The following LIN9 variants were observed in gnomAD, a reference collection of about 807,000 sequenced individuals.
The protein encoded by LIN9 is lin-9 DREAM MuvB core complex component, also known as protein lin-9 homolog.
A neutral mutation model predicts 78.0 loss-of-function variants in LIN9; 18 were observed. The ratio of observed to expected loss-of-function variants is 0.23; its 90% CI spans 0.16 to 0.34. The LOEUF (loss-of-function observed/expected upper bound fraction) is 0.34, where lower values mean the gene tolerates loss of function less well. Among genes scored for constraint, LIN9 ranks in the 10% least tolerant of loss-of-function variants. The pLI, the probability that LIN9 is intolerant of heterozygous loss-of-function variation, is 1.00. For missense variants in LIN9, 451 were observed against 644.1 expected, an observed-to-expected ratio of 0.70 and a Z score of 3.25; for synonymous variants, 192 against 215.2, an observed-to-expected ratio of 0.89 and a Z score of 0.94.
chr1:226,273,629 A>T (rs996723501), intron 7 of LIN9, among the ~76,000 whole-genome samples: 3 of 151,950 alleles, frequency 2.0e-5, no homozygotes, highest in African/African-American at 7.2e-5. Flanking sequence ...TCTTTTTTTT[A>T]AAAAGGCAGT....
At chr1:226,260,708 G>A (rs900162631) in intron 10 of LIN9, among the ~76,000 whole-genome samples, 9 of 129,258 alleles carry the variant, frequency 7.0e-5, no homozygotes, top group African/African-American at 1.8e-4. Flanking sequence ...GCAGTGGCAC[G>A]AACTCGGCTC....
chr1:226,297,134 C>A (rs1213051967), intron 3 of LIN9, among the ~76,000 whole-genome samples: 2 of 152,176 alleles, frequency 1.3e-5, no homozygotes, highest in African/African-American at 4.8e-5. Context: ...GGAATTGACA[C>A]AGTGAGGAAA....
At chr1:226,261,935 T>A (rs949281573) in intron 10 of LIN9, among the ~76,000 whole-genome samples, 1 of 152,148 alleles carries the variant, frequency 6.6e-6, no homozygotes, top group African/African-American at 2.4e-5. Context: ...AATAGATCAA[T>A]GGAACAGAAT....
chr1:226,262,871 T>C (rs1027997072), intron 10 of LIN9, among the ~76,000 whole-genome samples: 4 of 152,186 alleles, frequency 2.6e-5, no homozygotes, highest in Admixed American at 2.0e-4. Flanking sequence ...ATTGCCAAAA[T>C]TTGAAAGCAA....
chr1:226,285,314 T>C (rs921965592), intron 6 of LIN9, among the ~76,000 whole-genome samples: 1 of 152,176 alleles, frequency 6.6e-6, no homozygotes, highest in Non-Finnish European at 1.5e-5. Flanking sequence ...TGAAACACAC[T>C]AAATAACATA....
intron 11 of LIN9, among the ~76,000 whole-genome samples, chr1:226,250,526 T>C (rs1658765842): frequency 6.6e-6 from 1 of 152,210 alleles, no homozygotes; most frequent in East Asian, 1.9e-4. Context: ...GCAATGAAGA[T>C]TTACTGTTGT....
chr1:226,302,130 G>A (rs1662577372), intron 1 of LIN9, among the ~76,000 whole-genome samples: 3 of 152,152 alleles, frequency 2.0e-5, no homozygotes, highest in Non-Finnish European at 4.4e-5. Context: ...AATCTAGACT[G>A]AATCTATATT....
At chr1:226,263,524 G>A (rs192948778) in intron 10 of LIN9, among the ~76,000 whole-genome samples, 1 of 152,220 alleles carries the variant, frequency 6.6e-6, no homozygotes, top group Non-Finnish European at 1.5e-5. Flanking sequence ...ACATAGTGTA[G>A]TAGTACTTAG....
chr1:226,257,763 A>C (rs1354266699), intron 10 of LIN9, among the ~76,000 whole-genome samples: 1 of 152,236 alleles, frequency 6.6e-6, no homozygotes. Flanking sequence ...ATAGAAATAA[A>C]GAATATGAGC....
At chr1:226,259,886 A>T (rs1031330912) in intron 10 of LIN9, among the ~76,000 whole-genome samples, 1 of 151,990 alleles carries the variant, frequency 6.6e-6, no homozygotes, top group African/African-American at 2.4e-5. Flanking sequence ...TAGGAAATTA[A>T]ATACAAAGTA....
chr1:226,286,528 A>G (rs1302082256), intron 5 of LIN9, 70 bp from the exon 6 acceptor site: 18 of 1,212,476 alleles, frequency 1.5e-5, no homozygotes, highest in Non-Finnish European at 1.9e-5. Context: ...ATAAAATCAC[A>G]AAATGCTAAA....
At chr1:226,275,029 G>A (rs1660549654) in intron 7 of LIN9, among the ~76,000 whole-genome samples, 1 of 151,820 alleles carries the variant, frequency 6.6e-6, no homozygotes, top group South Asian at 2.1e-4. Context: ...TTCCCCACAA[G>A]TACAGCAATT....
chr1:226,266,455 T>A, intron 8 of LIN9, 123 bp from the exon 9 acceptor site: 2 of 621,466 alleles, frequency 3.2e-6, no homozygotes, highest in Non-Finnish European at 4.8e-6. Flanking sequence ...TAGAATTTAT[T>A]ACTTATATAT....
chr1:226,301,349 T>C (rs902312712), intron 1 of LIN9, 144 bp from the exon 2 acceptor site: 20 of 587,444 alleles, frequency 3.4e-5, no homozygotes, highest in Non-Finnish European at 5.1e-5. Flanking sequence ...TCGAAATATC[T>C]GGCAGACAAT....
At chr1:226,273,288 T>A (rs1396355899) in intron 7 of LIN9, among the ~76,000 whole-genome samples, 1 of 131,074 alleles carries the variant, frequency 7.6e-6, no homozygotes, top group Non-Finnish European at 1.6e-5. Context: ...TGAGACAAGG[T>A]CTCACTCTGT....
intron 3 of LIN9, 40 bp downstream of exon 3, chr1:226,297,679 C>G: frequency 2.2e-6 from 3 of 1,351,878 alleles, no homozygotes; most frequent in Non-Finnish European, 3.0e-6. Flanking sequence ...GACAACTTAG[C>G]TAGAATTATT....
At chr1:226,271,385 G>A (rs759397685) in intron 7 of LIN9, among the ~76,000 whole-genome samples, 11 of 152,098 alleles carry the variant, frequency 7.2e-5, no homozygotes, top group Non-Finnish European at 1.6e-4. Flanking sequence ...ACTACTCTTT[G>A]TTTACTAAAA....
intron 1 of LIN9, among the ~76,000 whole-genome samples, chr1:226,303,352 G>A (rs1056937789): frequency 1.3e-5 from 2 of 152,186 alleles, no homozygotes; most frequent in South Asian, 2.1e-4. Flanking sequence ...AACAGCTATC[G>A]AGTAATGATA....
At position 226,237,952 on chromosome 1, in the gene LIN9, C is replaced by CA. The variant is rs33927134; in HGVS notation, c.1245+1018dup. ...TGGGCAACAGAGTAAGACTCTGTCT[C>CA]AAAAAAAAAAAAAAAAGAATCTGAT... On this transcript the variant is annotated intron_variant, in intron 12 of 14. Transcript: ENST00000681046. Among the ~76,000 whole-genome samples the CA allele has an allele frequency of 1.8e-3, 237 of 133,556 alleles. 1 individual carries two copies. The highest frequency in any genetic ancestry group is 3.8e-3 in the Middle Eastern group (1 of 264). The allele number at this position is 133,556 out of a possible 152,430, so 87.6% of individuals were successfully genotyped here. A position where few individuals can be genotyped will look rare whatever the true frequency, so the allele number is the denominator to read the frequency against.
Sources: allele counts gnomAD v4.1 joint callset (sites outside exome capture counted in the v4.1 genomes callset), GRCh38; gene constraint gnomAD v4.1.1; transcripts MANE v1.5; gene names NCBI Gene and HGNC (gene_info 2026-07-23, HGNC 2026-07-21).